Variants in NEGR1 observed in about 807,000 individuals in gnomAD.
NEGR1 encodes the protein neuronal growth regulator 1, also known as IgLON family member 4.
Under a neutral mutation model 40.9 loss-of-function variants are expected in NEGR1, and 10 were observed. The observed-to-expected ratio is 0.24, with a 90% CI of 0.15 to 0.42. The LOEUF (loss-of-function observed/expected upper bound fraction) is 0.42. NEGR1 is among the 10% of genes least tolerant of loss of function. The pLI, the probability that NEGR1 is intolerant of heterozygous loss-of-function variation, is 1.00. For missense variants in NEGR1, 352 were observed against 438.9 expected, an observed-to-expected ratio of 0.80 and a Z score of 1.77; for synonymous variants, 185 against 166.8, an observed-to-expected ratio of 1.11 and a Z score of -0.84.
chr1:71,482,825 G>A (rs919639922), intron 6 of NEGR1, among the ~76,000 whole-genome samples: 1 of 151,814 alleles, frequency 6.6e-6, no homozygotes, highest in Non-Finnish European at 1.5e-5. Flanking sequence ...ATAATTGACA[G>A]CTAACTATAT....
intron 4 of NEGR1, among the ~76,000 whole-genome samples, chr1:71,645,745 T>C (rs563198156): frequency 6.6e-6 from 1 of 151,972 alleles, no homozygotes; most frequent in African/African-American, 2.4e-5. Context: ...ATCTCCACAT[T>C]GTCTGTAGTT....
chr1:71,599,337 GA>G (rs1250087957), intron 5 of NEGR1, among the ~76,000 whole-genome samples: 3 of 152,126 alleles, frequency 2.0e-5, no homozygotes, highest in Non-Finnish European at 4.4e-5. Context: ...GAGAGTGACT[GA>G]AAAGATCATG....
At chr1:72,180,800 A>G (rs1176140846) in intron 1 of NEGR1, among the ~76,000 whole-genome samples, 1 of 152,280 alleles carries the variant, frequency 6.6e-6, no homozygotes, top group African/African-American at 2.4e-5. Flanking sequence ...ACAAAATGTT[A>G]TAAGAGCCCT....
rs1389264651 is a variant in NEGR1, at chr1:71,405,684, A to G, written c.*1762T>C. ...ATGATGTACTTTGGGACTAAGTTTT[A>G]CTTGAAGAAAAAAAATCACAGTTTT... is the stretch of plus-strand genomic sequence containing the variant. On this transcript the variant is annotated 3_prime_UTR_variant, in exon 7 of 7. Coordinates refer to ENST00000357731, the MANE Select transcript of NEGR1 (RefSeq NM_173808.3). The G allele has an allele frequency of 6.6e-6, 1 of 151,724 alleles. No individual in the cohort carries two copies. Among genetic ancestry groups the G allele is most frequent in the Non-Finnish European group, 1.5e-5 (1 of 67,652 alleles). The allele number at this position is 151,724 out of a possible 1,614,324, so 9.4% of individuals were successfully genotyped here. A position where few individuals can be genotyped will look rare whatever the true frequency, so the allele number is the denominator to read the frequency against.
intron 4 of NEGR1, among the ~76,000 whole-genome samples, chr1:71,694,962 G>A (rs1653427919): frequency 6.6e-6 from 1 of 151,772 alleles, no homozygotes. Flanking sequence ...ATCAGGGGAT[G>A]TGCAAGTCCA....
chr1:71,631,323 G>A (rs753968917), intron 4 of NEGR1, among the ~76,000 whole-genome samples: 10 of 151,762 alleles, frequency 6.6e-5, no homozygotes, highest in Non-Finnish European at 5.9e-5. Context: ...CAGATGATTA[G>A]AAACTTTCTG....
At chr1:71,999,661 A>T (rs1274950283) in intron 1 of NEGR1, among the ~76,000 whole-genome samples, 2 of 46,496 alleles carry the variant, frequency 4.3e-5, no homozygotes, top group Non-Finnish European at 5.5e-5. Flanking sequence ...ATATATATAT[A>T]TATATATATA....
chr1:71,496,689 T>C lies in NEGR1; in HGVS notation c.941-89119A>G, dbSNP rs75802341. Among the ~76,000 whole-genome samples, 1,088 of 152,212 alleles carry C rather than the reference T, an allele frequency of 7.1e-3. 11 individuals are homozygous for C. Among genetic ancestry groups the C allele is most frequent in the African/African-American group, 0.024 (1,005 of 41,546 alleles). Reference sequence around the variant, plus strand: ...GAAGGACCCTAAATTGGGACAATTCTATAAAAACAGGATGTTTGATTATCT... The same window carrying C: ...GAAGGACCCTAAATTGGGACAATTCCATAAAAACAGGATGTTTGATTATCT... On this transcript the variant is annotated intron_variant, in intron 6 of 6. Coordinates refer to ENST00000357731, the MANE Select transcript of NEGR1 (RefSeq NM_173808.3).
intron 1 of NEGR1, among the ~76,000 whole-genome samples, chr1:72,129,369 A>T (rs1439548981): frequency 6.6e-6 from 1 of 152,198 alleles, no homozygotes; most frequent in Non-Finnish European, 1.5e-5. Context: ...GCTAATGGCA[A>T]TATATAACCT....
intron 1 of NEGR1, among the ~76,000 whole-genome samples, chr1:72,213,045 G>A (rs1205316201): frequency 6.6e-6 from 1 of 151,576 alleles, no homozygotes; most frequent in African/African-American, 2.4e-5. Flanking sequence ...TGACATGAAA[G>A]GCATAGTTAA....
At chr1:71,659,136 T>A (rs551577068) in intron 4 of NEGR1, among the ~76,000 whole-genome samples, 4 of 152,320 alleles carry the variant, frequency 2.6e-5, no homozygotes, top group African/African-American at 9.6e-5. Context: ...ACTTAACTTC[T>A]CTGAGACTGG....
intron 6 of NEGR1, among the ~76,000 whole-genome samples, chr1:71,572,904 A>T (rs1354546938): frequency 6.6e-6 from 1 of 152,180 alleles, no homozygotes; most frequent in Non-Finnish European, 1.5e-5. Flanking sequence ...TGGCTTCCTA[A>T]TATCATCTTG....
chr1:71,926,342 A>G (rs914663757), intron 2 of NEGR1, among the ~76,000 whole-genome samples: 2 of 142,732 alleles, frequency 1.4e-5, no homozygotes, highest in Non-Finnish European at 3.0e-5. Flanking sequence ...CAAGCTGAAA[A>G]CTTGAAAAAA....
intron 2 of NEGR1, among the ~76,000 whole-genome samples, chr1:71,816,433 G>A (rs958000345): frequency 2.0e-5 from 3 of 152,056 alleles, no homozygotes; most frequent in Non-Finnish European, 4.4e-5. Context: ...GGCTAGGGAG[G>A]CCTCACAATC....
chr1:71,580,936 A>T lies in NEGR1; in HGVS notation c.940+11881T>A, dbSNP rs186307447. ...TACTAGCTTTTAAGGCCAATTGAGA[A>T]AGTTTTAGAAATTCTGCGATTTATT... On this transcript the variant is annotated intron_variant, in intron 6 of 6. Transcript: ENST00000357731. Among the ~76,000 whole-genome samples, 11 of 152,304 alleles carry T rather than the reference A, an allele frequency of 7.2e-5. No homozygotes were observed. The East Asian group carries it at 1.5e-3, about 21-fold the overall frequency.
rs561408436 is a variant in NEGR1 at position 71,850,446 on chromosome 1, C to T, written c.410-74149G>A. 1.3e-4 allele frequency among the ~76,000 whole-genome samples: 20 copies of T among 152,220 alleles called. No individual in the cohort carries two copies. The East Asian group carries it at 3.7e-3, about 28-fold the overall frequency. ...GCTTGGATTACAGCACGAGCCACCA[C>T]GCCCAGCCAAATCTATTGTCTTGTC... is the stretch of plus-strand genomic sequence containing the variant. On this transcript the variant is annotated intron_variant, in intron 2 of 6. Transcript: ENST00000357731.
At chr1:71,482,307 C>T (rs906487041) in intron 6 of NEGR1, among the ~76,000 whole-genome samples, 5 of 151,812 alleles carry the variant, frequency 3.3e-5, no homozygotes, top group African/African-American at 9.7e-5. Context: ...TGATGAGAAA[C>T]ATCTAGCATG....
intron 3 of NEGR1, among the ~76,000 whole-genome samples, chr1:71,734,909 C>CTT (rs11404278): frequency 6.6e-6 from 1 of 151,662 alleles, no homozygotes; most frequent in African/African-American, 2.4e-5. Flanking sequence ...GTTACCTTAA[C>CTT]TTTTTTTTCC....
intron 1 of NEGR1, among the ~76,000 whole-genome samples, chr1:71,951,799 G>T (rs898313542): frequency 1.1e-4 from 17 of 151,906 alleles, no homozygotes; most frequent in African/African-American, 4.1e-4. Context: ...CCAACAGCAT[G>T]TGCTCACTTC....
Sources: gnomAD v4.1 joint callset for allele counts (sites outside exome capture counted in the v4.1 genomes callset) on GRCh38, gnomAD v4.1.1 for gene constraint, MANE v1.5 for transcripts, NCBI Gene and HGNC (gene_info 2026-07-23, HGNC 2026-07-21) for gene names.